The following KPNA7 variants were observed in gnomAD, a reference collection of about 807,000 sequenced individuals.
KPNA7 encodes the protein importin subunit alpha-8.
A neutral mutation model predicts 53.7 loss-of-function variants in KPNA7; 54 were observed. The ratio of observed to expected loss-of-function variants is 1.01; its 90% CI spans 0.81 to 1.26. The LOEUF (loss-of-function observed/expected upper bound fraction) is 1.26, where lower values mean the gene tolerates loss of function less well. Among genes scored for constraint, KPNA7 ranks in the 50% most tolerant of loss-of-function variants. The pLI is 0.00. For synonymous variants in KPNA7, 276 were observed against 259.3 expected (o/e 1.06, Z -0.62); for missense variants, 640 against 644.5 (o/e 0.99, Z 0.07).
intron 1 of KPNA7, among the ~76,000 whole-genome samples, chr7:99,218,902 G>A (rs1791279164): frequency 6.6e-6 from 1 of 152,242 alleles, no homozygotes; most frequent in Non-Finnish European, 1.5e-5. Flanking sequence ...CTGGAGCCGG[G>A]GCTCGTGCAC....
chr7:99,209,682 CAAAAAAAAAAAAAA>C (rs60377276), upstream of KPNA7, among the ~76,000 whole-genome samples: 25 of 73,528 alleles, frequency 3.4e-4, no homozygotes, highest in South Asian at 1.8e-3. Flanking sequence ...GACTCCAACT[CAAAAAAAAAAAAAA>C]AAAAAAAAAA....
At chr7:99,156,761 A>G in the KPNA7 span, among the ~76,000 whole-genome samples, 1 of 151,950 alleles carries the variant, frequency 6.6e-6, no homozygotes, top group East Asian at 1.9e-4. Flanking sequence ...CTGACTTCAA[A>G]TGATCCACCC....
downstream of KPNA7, among the ~76,000 whole-genome samples, chr7:99,169,626 TA>T (rs1277541687): frequency 6.6e-6 from 1 of 151,532 alleles, no homozygotes; most frequent in Non-Finnish European, 1.5e-5. Flanking sequence ...CAAAAATAGA[TA>T]AATAACCTGA....
downstream of KPNA7, among the ~76,000 whole-genome samples, chr7:99,169,886 C>T (rs939304072): frequency 3.3e-5 from 5 of 152,050 alleles, no homozygotes; most frequent in African/African-American, 1.2e-4. Flanking sequence ...ACTAAAAATA[C>T]AAAAATTAGC....
At chr7:99,161,410 C>A in the KPNA7 span, among the ~76,000 whole-genome samples, 1 of 152,128 alleles carries the variant, frequency 6.6e-6, no homozygotes, top group Admixed American at 6.6e-5. Flanking sequence ...CACATACTAC[C>A]ATTGTAAGTA....
chr7:99,210,300 G>A (rs1791031793), upstream of KPNA7, among the ~76,000 whole-genome samples: 1 of 152,082 alleles, frequency 6.6e-6, no homozygotes, highest in Non-Finnish European at 1.5e-5. Flanking sequence ...ATCTCTGAAA[G>A]CCCTTTTAAC....
the KPNA7 span, among the ~76,000 whole-genome samples, chr7:99,153,960 TAAAAA>T: frequency 1.3e-5 from 2 of 151,470 alleles, no homozygotes; most frequent in East Asian, 3.9e-4. Context: ...AGAGAGTCTC[TAAAAA>T]AAAGAAAAAA....
downstream of KPNA7, among the ~76,000 whole-genome samples, chr7:99,169,589 C>T (rs1798734385): frequency 6.6e-6 from 1 of 152,020 alleles, no homozygotes; most frequent in African/African-American, 2.4e-5. Flanking sequence ...TGCACTCCAG[C>T]CTGGGCGACA....
At chr7:99,172,168 T>TA (rs1018033378), downstream of KPNA7, among the ~76,000 whole-genome samples, 2 of 151,960 alleles carry the variant, frequency 1.3e-5, no homozygotes, top group African/African-American at 2.4e-5. Context: ...AAGGGAGGTA[T>TA]AAAAAAATGG....
chr7:99,176,048 A>G (rs1798885462), intron 10 of KPNA7, among the ~76,000 whole-genome samples: 1 of 152,090 alleles, frequency 6.6e-6, no homozygotes. Flanking sequence ...CTGTAATCCC[A>G]GCACTTTGGG....
intron 7 of KPNA7, among the ~76,000 whole-genome samples, chr7:99,185,663 T>G (rs995969365): frequency 6.6e-6 from 1 of 152,154 alleles, no homozygotes; most frequent in South Asian, 2.1e-4. Context: ...AAAGGAACTT[T>G]CTGGCTTCCC....
downstream of KPNA7, among the ~76,000 whole-genome samples, chr7:99,172,856 A>C (rs1481908783): frequency 1.3e-5 from 2 of 152,016 alleles, no homozygotes; most frequent in African/African-American, 4.8e-5. Context: ...TGAGGTCATG[A>C]GTTTGAGACC....
chr7:99,185,941 C>A (rs568651239), intron 7 of KPNA7, among the ~76,000 whole-genome samples: 1 of 151,994 alleles, frequency 6.6e-6, no homozygotes, highest in East Asian at 1.9e-4. Context: ...TACAGGTGTG[C>A]ACCACCATGC....
chr7:99,178,416 A>G (rs1799003142), intron 9 of KPNA7, among the ~76,000 whole-genome samples: 1 of 151,998 alleles, frequency 6.6e-6, no homozygotes, highest in Admixed American at 6.6e-5. Flanking sequence ...TAAAAATACA[A>G]AAATTAGTTG....
intron 9 of KPNA7, 81 bp from the exon 10 acceptor site, chr7:99,178,147 T>A: frequency 7.8e-7 from 1 of 1,275,252 alleles, no homozygotes; most frequent in Non-Finnish European, 1.1e-6. Context: ...TCAAGGGAGC[T>A]GCCCCGAGTG....
At chr7:99,204,669 A>T (rs1584314522) in intron 2 of KPNA7, among the ~76,000 whole-genome samples, 1 of 152,066 alleles carries the variant, frequency 6.6e-6, no homozygotes, top group Non-Finnish European at 1.5e-5. Context: ...TGAGCTCAGG[A>T]GTTCAAGACC....
intron 5 of KPNA7, 83 bp from the exon 6 acceptor site, chr7:99,193,184 A>G (rs530577431): frequency 2.1e-5 from 17 of 814,464 alleles, no homozygotes; most frequent in Non-Finnish European, 3.1e-5. Context: ...AGAGTGTGCA[A>G]AGGGCAAGAG....
chr7:99,150,378 C>T, the KPNA7 span, among the ~76,000 whole-genome samples: 2 of 149,590 alleles, frequency 1.3e-5, no homozygotes, highest in Non-Finnish European at 3.0e-5. Context: ...GGATTACAGG[C>T]GCAGTGACAT....
intron 5 of KPNA7, among the ~76,000 whole-genome samples, chr7:99,194,331 G>C (rs897033623): frequency 6.6e-6 from 1 of 152,142 alleles, no homozygotes; most frequent in African/African-American, 2.4e-5. Flanking sequence ...CCCAAACCAA[G>C]GAGTTTTTTT....
Sources: allele counts gnomAD v4.1 joint callset (sites outside exome capture counted in the v4.1 genomes callset), GRCh38; gene constraint gnomAD v4.1.1; transcripts MANE v1.5; gene names NCBI Gene and HGNC (gene_info 2026-07-23, HGNC 2026-07-21).